METTL5: variants seen among roughly 807,000 people sequenced by gnomAD.
The protein encoded by METTL5 is rRNA N(6)-adenosine-methyltransferase METTL5.
Under a neutral mutation model 26.5 loss-of-function variants are expected in METTL5, and 28 were observed. That is an observed-to-expected ratio of 1.06 (90% confidence interval 0.78 to 1.45). METTL5 has a LOEUF of 1.45. METTL5 is among the 40% of genes most tolerant of loss of function. The pLI is 0.00. For synonymous variants in METTL5, 86 were observed against 82.6 expected (o/e 1.04, Z -0.22); for missense variants, 231 against 249.9 (o/e 0.92, Z 0.51).
At position 169,816,732 on chromosome 2, in the gene METTL5, C is replaced by T. The variant is rs577879861; in HGVS notation, c.490-1204G>A. On this transcript the variant is annotated intron_variant, in intron 4 of 6. Transcript: ENST00000260953. ...TATTTAATAAATGGTGCTGGGAAAA[C>T]TGGCTAGCCATATGCAGAAAACTGA... 8.5e-5 allele frequency among the ~76,000 whole-genome samples: 13 copies of T among 152,304 alleles called. No homozygotes were observed. In the South Asian group the frequency reaches 2.5e-3, roughly 29 times the overall value.
rs1030061701 is a variant in METTL5, at chr2:169,812,622, A to G, written c.542-116T>C. On this transcript the variant is annotated intron_variant, in intron 5 of 6. Transcript: ENST00000260953. ...AGTGTTAAGTGCTGGTAAGCTGAAC[A>G]TTTTAGAACCTTTAACTTATCCAAG... is the stretch of plus-strand genomic sequence containing the variant. The G allele has an allele frequency of 3.5e-6, 4 of 1,136,946 alleles. No homozygotes were observed. In the African/African-American group the frequency reaches 6.3e-5, roughly 18 times the overall value. The allele number at this position is 1,136,946 out of a possible 1,614,324, so 70.4% of individuals were successfully genotyped here.
At position 169,815,545 on chromosome 2, in the gene METTL5, T is replaced by C. The variant is rs566972956; in HGVS notation, c.490-17A>G. On this transcript the variant is annotated splice_polypyrimidine_tract_variant and intron_variant, in intron 4 of 6. Transcript: ENST00000260953. ...TTGAACATGCTGAACATAAATAATA[T>C]GTTGTTATGAGCTGATTTTTAAATA... 3.2e-6 allele frequency: 5 copies of C among 1,569,668 alleles called. No homozygotes were observed. The highest frequency in any genetic ancestry group is 4.5e-5 in the East Asian group (2 of 44,492).
At position 169,821,156 on chromosome 2, in the gene METTL5, G is replaced by C. The variant is rs144548406; in HGVS notation, c.342C>G (p.Asn114Lys). The C allele has an allele frequency of 1.2e-6, 2 of 1,611,900 alleles. No individual in the cohort carries two copies. Among genetic ancestry groups the C allele is most frequent in the African/African-American group, 1.3e-5 (1 of 74,828 alleles). ...CTGTATCGAATGACTTGGACATTCT[G>C]TTAGATAATAAGCACACATCACATT... ...MVQCDVCLLSNRMSKSFDTVI... is the reference protein window; with the variant it reads ...MVQCDVCLLSKRMSKSFDTVI... Residue 114 changes from asparagine (N) to lysine (K), a missense_variant, in exon 3 of 7, where the codon AAC becomes AAG. Transcript: ENST00000260953.
intron 3 of METTL5, among the ~76,000 whole-genome samples, chr2:169,819,889 C>T (rs1189157920): frequency 2.7e-5 from 4 of 150,794 alleles, no homozygotes; most frequent in Non-Finnish European, 5.9e-5. Context: ...TTAATGACTT[C>T]AAAAAGGGGA....
intron 1 of METTL5, among the ~76,000 whole-genome samples, chr2:169,822,807 T>C (rs537634356): frequency 1.3e-5 from 2 of 152,258 alleles, no homozygotes; most frequent in Admixed American, 1.3e-4. Flanking sequence ...TAGACACATA[T>C]ACTCATGATC....
At chr2:169,815,067 A>G (rs944930283) in intron 5 of METTL5, among the ~76,000 whole-genome samples, 1 of 151,446 alleles carries the variant, frequency 6.6e-6, no homozygotes, top group Non-Finnish European at 1.5e-5. Context: ...AATTTTTTAT[A>G]TTTTTAGTAG....
At position 169,817,092 on chromosome 2, in the gene METTL5, G is replaced by GA. The variant is rs566498515; in HGVS notation, c.490-1565dup. Reference sequence around the variant, plus strand: ...ATAAACAACTGAAACAAATTTACAAGAAAAAAAAACCCATCAAAAAAGTGG... The same window carrying GA: ...ATAAACAACTGAAACAAATTTACAAGAAAAAAAAAACCCATCAAAAAAGTGG... On this transcript the variant is annotated intron_variant, in intron 4 of 6. Coordinates refer to ENST00000260953, the MANE Select transcript of METTL5 (RefSeq NM_014168.4). Among the ~76,000 whole-genome samples, 220 of 150,288 alleles carry GA rather than the reference G, an allele frequency of 1.5e-3. 1 individual carries two copies. The highest frequency in any genetic ancestry group is 2.8e-3 in the Admixed American group (42 of 15,100).
chr2:169,815,491 A>G lies in METTL5; in HGVS notation c.527T>C (p.Ile176Thr), dbSNP rs1327055619. The G allele has an allele frequency of 1.2e-6, 2 of 1,603,174 alleles. No individual in the cohort carries two copies. Among genetic ancestry groups the G allele is most frequent in the East Asian group, 2.2e-5 (1 of 44,748 alleles). Residue 176 changes from isoleucine (I) to threonine (T), a missense_variant, in exon 5 of 7, where the codon ATA becomes ACA. By Grantham distance (89) the Ile-to-Thr change is moderately conservative (BLOSUM62 -1). Transcript: ENST00000260953. ...ATTTGTCTTACCTGCTATAATATCT[A>G]TCTTGATTTTCCATTCTGCAGCTTT... ...QKKAAEWKIKIDIIAELRYDL... is the reference protein window; with the variant it reads ...QKKAAEWKIKTDIIAELRYDL...
At chr2:169,819,233 A>T (rs1387041336) in intron 4 of METTL5, among the ~76,000 whole-genome samples, 2 of 152,212 alleles carry the variant, frequency 1.3e-5, no homozygotes, top group South Asian at 4.1e-4. Context: ...CCACACCGGG[A>T]CAATGGGACA....
In METTL5 at chr2:169,821,257, C is replaced by T; in HGVS notation, c.241G>A (p.Asp81Asn). ...MLGAGLCVGFDIDEDALEIFN... is the reference protein window; with the variant it reads ...MLGAGLCVGFNIDEDALEIFN... ...ATTTCCAATGCGTCTTCATCTATGT[C>T]AAATCCAACACACAACCTATAAATA... The change falls in exon 3 of 7, where the codon GAC becomes AAC. Residue 81 changes from aspartate to asparagine, a missense_variant. Coordinates refer to ENST00000260953, the MANE Select transcript of METTL5 (RefSeq NM_014168.4). 6.2e-7 allele frequency: 1 copy of T among 1,606,796 alleles called. No individual in the cohort carries two copies. The highest frequency in any genetic ancestry group is 8.5e-7 in the Non-Finnish European group (1 of 1,177,444).
At chr2:169,817,464 A>G (rs1030790919) in intron 4 of METTL5, among the ~76,000 whole-genome samples, 19 of 152,212 alleles carry the variant, frequency 1.2e-4, no homozygotes, top group Admixed American at 2.0e-4. Flanking sequence ...TCATGCTGCT[A>G]TAAAGACACA....
chr2:169,815,409 G>A, intron 5 of METTL5, 68 bp downstream of exon 5: 2 of 1,082,450 alleles, frequency 1.8e-6, no homozygotes, highest in Non-Finnish European at 1.4e-6. Flanking sequence ...CTCAGCACCT[G>A]CATGAAAATT....
At chr2:169,817,494 C>T (rs1053784701) in intron 4 of METTL5, among the ~76,000 whole-genome samples, 22 of 152,050 alleles carry the variant, frequency 1.4e-4, no homozygotes, top group African/African-American at 3.4e-4. Context: ...ATGTTTACTG[C>T]GGCACTATTC....
At position 169,824,559 on chromosome 2, in the gene METTL5, C is replaced by T; in HGVS notation, c.39G>A (p.Leu13=). 6.2e-7 allele frequency: 1 copy of T among 1,614,220 alleles called. No homozygotes were observed. The highest frequency in any genetic ancestry group is 8.5e-7 in the Non-Finnish European group (1 of 1,180,014). ...KVRLKELESR[L]QQVDGFEKPK... ...GCTTTTCAAATCCATCCACTTGTTG[C>T]AGGCGACTCTCTAGTTCCTTAAGCC... The change falls in exon 1 of 7, where the codon CTG becomes CTA. Residue 13 remains leucine (L), a synonymous_variant. Transcript: ENST00000260953.
intron 3 of METTL5, among the ~76,000 whole-genome samples, chr2:169,820,548 CTCAGTT>C (rs1466289199): frequency 6.6e-6 from 1 of 152,098 alleles, no homozygotes; most frequent in African/African-American, 2.4e-5. Flanking sequence ...AGTTGAAAAA[CTCAGTT>C]TCTTAGCCAT....
chr2:169,821,022 G>A lies in METTL5; in HGVS notation c.406+70C>T, dbSNP rs994600314. ...TGGCATTACACGCCTGAGCCACTGC[G>A]CCTGGCCTTAAAAATGGTTTTAAAA... On this transcript the variant is annotated intron_variant, in intron 3 of 6. Coordinates refer to ENST00000260953, the MANE Select transcript of METTL5 (RefSeq NM_014168.4). 25 of 1,308,994 alleles carry A rather than the reference G, an allele frequency of 1.9e-5. No individual in the cohort carries two copies. In the South Asian group the frequency reaches 2.1e-4, roughly 11 times the overall value. 81.1% of individuals were successfully genotyped at this position (1,308,994 alleles called of 1,614,324 possible).
intron 4 of METTL5, among the ~76,000 whole-genome samples, chr2:169,817,945 G>T (rs1408435788): frequency 1.3e-5 from 2 of 152,166 alleles, no homozygotes; most frequent in Non-Finnish European, 1.5e-5. Flanking sequence ...AAGCTGTGCA[G>T]AAAAGAGTTC....
intron 4 of METTL5, among the ~76,000 whole-genome samples, chr2:169,819,259 GACTT>G (rs2081551302): frequency 6.6e-6 from 1 of 152,082 alleles, no homozygotes; most frequent in African/African-American, 2.4e-5. Context: ...GATCAACTAA[GACTT>G]ACTCAGAGAA....
At chr2:169,817,798 G>A (rs992834778) in intron 4 of METTL5, among the ~76,000 whole-genome samples, 1 of 152,042 alleles carries the variant, frequency 6.6e-6, no homozygotes, top group African/African-American at 2.4e-5. Flanking sequence ...ATAGCATTAG[G>A]AGAAATACCT....
Sources: gnomAD v4.1 joint callset for allele counts (sites outside exome capture counted in the v4.1 genomes callset) on GRCh38, gnomAD v4.1.1 for gene constraint, MANE v1.5 for transcripts, NCBI Gene and HGNC (gene_info 2026-07-23, HGNC 2026-07-21) for gene names.